Variants in ZNF776 observed in about 807,000 individuals in gnomAD.
ZNF776 encodes zinc finger protein 776.
A neutral mutation model predicts 7.0 loss-of-function variants in ZNF776; 4 were observed. The observed-to-expected ratio is 0.57, with a 90% CI of 0.28 to 1.31. ZNF776 has a LOEUF of 1.31. Ranked by LOEUF, ZNF776 falls within the 50% of genes most tolerant of loss-of-function variation. The probability of loss-of-function intolerance (pLI) is 0.10; values close to 1 mark genes in which losing one functional copy is unlikely to be tolerated. For synonymous variants in ZNF776, 212 were observed against 213.7 expected, an observed-to-expected ratio of 0.99 and a Z score of 0.07; for missense variants, 555 against 625.9, an observed-to-expected ratio of 0.89 and a Z score of 1.21.
chr19:57,754,251 G>C lies in ZNF776; in HGVS notation c.1121G>C (p.Arg374Thr). ...IQHQRVHTGE[R>T]PFECTACGKL... ...CATCAGCGAGTTCACACTGGAGAAA[G>C]ACCTTTTGAGTGTACGGCATGTGGG... The change falls in exon 3 of 3, where the codon AGA becomes ACA. Residue 374 changes from arginine to threonine, a missense_variant. By Grantham distance (71) the Arg-to-Thr change is moderately conservative. Transcript: ENST00000317178. 6.2e-7 allele frequency: 1 copy of C among 1,614,146 alleles called. No individual in the cohort carries two copies. Among genetic ancestry groups the C allele is most frequent in the East Asian group, 2.2e-5 (1 of 44,884 alleles).
rs1270715901 is a variant in ZNF776 at position 57,757,020 on chromosome 19, G to C, written c.*2333G>C. The C allele has an allele frequency of 3.1e-6, 1 of 326,618 alleles. No homozygotes were observed. Among genetic ancestry groups the C allele is most frequent in the African/African-American group, 2.2e-5 (1 of 45,258 alleles). The allele number at this position is 326,618 out of a possible 1,614,324, so 20.2% of individuals were successfully genotyped here. On this transcript the variant is annotated 3_prime_UTR_variant, in exon 3 of 3. Transcript: ENST00000317178. Reference sequence around the variant, plus strand: ...CCAGGTAATTTAAGAATTTTTTATAGAGATAGGGTTTTGCTATTTTACCCT... The same window carrying C: ...CCAGGTAATTTAAGAATTTTTTATACAGATAGGGTTTTGCTATTTTACCCT...
Position 57,756,244 on chromosome 19 carries a change from G to C in ZNF776, c.*1557G>C, listed in dbSNP as rs1423520153. 1 of 143,724 alleles carries C rather than the reference G, an allele frequency of 7.0e-6. No individual in the cohort carries two copies. The highest frequency in any genetic ancestry group is 1.5e-5 in the Non-Finnish European group (1 of 66,840). 8.9% of individuals were successfully genotyped at this position (143,724 alleles called of 1,614,324 possible). A position where few individuals can be genotyped will look rare whatever the true frequency, so the allele number is the denominator to read the frequency against. On this transcript the variant is annotated 3_prime_UTR_variant, in exon 3 of 3. Coordinates refer to ENST00000317178, the MANE Select transcript of ZNF776 (RefSeq NM_173632.4). ...TGTCTTTCCTAGGAATCTCATGATT[G>C]TCATGATTCTTAAAATGGAATTTTC...
In ZNF776 at chr19:57,754,778, A is replaced by T. The variant is rs1986728559; in HGVS notation, c.*91A>T. ...GCACTTATGAGTATGGAGAATGTGCAAAATCATCTAGCCAAAAGGTTGGCC... is the reference window on the plus strand; with the variant it reads ...GCACTTATGAGTATGGAGAATGTGCTAAATCATCTAGCCAAAAGGTTGGCC... On this transcript the variant is annotated 3_prime_UTR_variant, in exon 3 of 3. Coordinates refer to ENST00000317178, the MANE Select transcript of ZNF776 (RefSeq NM_173632.4). 7.4e-7 allele frequency: 1 copy of T among 1,343,632 alleles called. No homozygotes were observed. The highest frequency in any genetic ancestry group is 1.0e-6 in the Non-Finnish European group (1 of 978,688). The allele number at this position is 1,343,632 out of a possible 1,614,324, so 83.2% of individuals were successfully genotyped here.
Position 57,750,886 on chromosome 19 carries a change from G to A in ZNF776, c.135G>A (p.Glu45=), listed in dbSNP as rs1371363071. ...QRCLYHDVML[E]NLTLISSLGC... is the part of the protein sequence containing the mutation. ...GCCTTTATCATGACGTGATGCTGGA[G>A]AACCTGACACTTATATCTTCTCTAG... is the stretch of plus-strand genomic sequence containing the variant. Residue 45 remains glutamate (E), a synonymous_variant, in exon 2 of 3, where the codon GAG becomes GAA. Coordinates refer to ENST00000317178, the MANE Select transcript of ZNF776 (RefSeq NM_173632.4). The A allele has an allele frequency of 1.2e-6, 2 of 1,611,974 alleles. No homozygotes were observed. Among genetic ancestry groups the A allele is most frequent in the Admixed American group, 1.7e-5 (1 of 59,854 alleles).
chr19:57,750,003 C>A (rs1166538678), intron 1 of ZNF776, among the ~76,000 whole-genome samples: 1 of 152,112 alleles, frequency 6.6e-6, no homozygotes, highest in African/African-American at 2.4e-5. Context: ...AGGTGAAAAT[C>A]TCACCCTTAC....
rs1986827780 is a variant in ZNF776 at position 57,757,989 on chromosome 19, A to G, written c.*3302A>G. ...TTTTTATTTCACATAGCAGGGATGC[A>G]TATTTTGACATTCATCAATCATGAT... On this transcript the variant is annotated 3_prime_UTR_variant, in exon 3 of 3. Coordinates refer to ENST00000317178, the MANE Select transcript of ZNF776 (RefSeq NM_173632.4). 4 of 151,914 alleles carry G rather than the reference A, an allele frequency of 2.6e-5. No homozygotes were observed. Among genetic ancestry groups the G allele is most frequent in the Admixed American group, 2.6e-4 (4 of 15,240 alleles). The allele number at this position is 151,914 out of a possible 1,614,324, so 9.4% of individuals were successfully genotyped here. A position where few individuals can be genotyped will look rare whatever the true frequency, so the allele number is the denominator to read the frequency against.
At chr19:57,751,029 A>G (rs1460175805) in intron 2 of ZNF776, 118 bp downstream of exon 2, 2 of 1,252,680 alleles carry the variant, frequency 1.6e-6, no homozygotes, top group Non-Finnish European at 2.1e-6. Flanking sequence ...TTCCTCTGTT[A>G]GTTCCCTGGG....
rs1230154478 is a variant in ZNF776, at chr19:57,757,887, C to T, written c.*3200C>T. On this transcript the variant is annotated 3_prime_UTR_variant, in exon 3 of 3. Transcript: ENST00000317178. ...CTGGAATTTTATATGACTGATATAACATGTTTCCTCTTTTCATACCTGAGT... is the reference window on the plus strand; with the variant it reads ...CTGGAATTTTATATGACTGATATAATATGTTTCCTCTTTTCATACCTGAGT... The T allele has an allele frequency of 2.0e-5, 3 of 152,168 alleles. No homozygotes were observed. The highest frequency in any genetic ancestry group is 4.4e-5 in the Non-Finnish European group (3 of 68,034). The allele number at this position is 152,168 out of a possible 1,614,324, so 9.4% of individuals were successfully genotyped here. A position where few individuals can be genotyped will look rare whatever the true frequency, so the allele number is the denominator to read the frequency against.
At chr19:57,750,097 G>A (rs1986554998) in intron 1 of ZNF776, among the ~76,000 whole-genome samples, 1 of 151,952 alleles carries the variant, frequency 6.6e-6, no homozygotes, top group South Asian at 2.1e-4. Flanking sequence ...AGTGGGGGTG[G>A]CCATGGGCAT....
chr19:57,748,960 C>T (rs905711248), intron 1 of ZNF776, among the ~76,000 whole-genome samples: 66 of 151,606 alleles, frequency 4.4e-4, no homozygotes, highest in Non-Finnish European at 8.4e-4. Flanking sequence ...GGATTAAAAA[C>T]AGGACTTTTT....
At position 57,750,635 on chromosome 19, in the gene ZNF776, A is replaced by T. The variant is rs140580226; in HGVS notation, c.34-150A>T. The T allele has an allele frequency of 3.5e-4, 361 of 1,034,686 alleles. 2 individuals are homozygous for T. In the African/African-American group the frequency reaches 3.5e-3, roughly 10 times the overall value. The allele number at this position is 1,034,686 out of a possible 1,614,324, so 64.1% of individuals were successfully genotyped here. ...CACTTCTTGTGGCTGATGGCTGTAC[A>T]CCATGACCAGTGAGCCCATGAGAAG... On this transcript the variant is annotated intron_variant, in intron 1 of 2. Coordinates refer to ENST00000317178, the MANE Select transcript of ZNF776 (RefSeq NM_173632.4).
rs530506271 is a variant in ZNF776, at chr19:57,755,968, C to A, written c.*1281C>A. The A allele has an allele frequency of 6.6e-6, 1 of 152,180 alleles. No homozygotes were observed. The highest frequency in any genetic ancestry group is 2.1e-4 in the South Asian group (1 of 4,828). 9.4% of individuals were successfully genotyped at this position (152,180 alleles called of 1,614,324 possible). On this transcript the variant is annotated 3_prime_UTR_variant, in exon 3 of 3. Transcript: ENST00000317178. Reference sequence around the variant, plus strand: ...CAGTTCTGGCCTAGAGCAGAAGTGTCCAATCTTTTGGCTTTCCTGGTCCAC... The same window carrying A: ...CAGTTCTGGCCTAGAGCAGAAGTGTACAATCTTTTGGCTTTCCTGGTCCAC...
rs563977196 is a variant in ZNF776 at position 57,754,573 on chromosome 19, T to C, written c.1443T>C (p.Ile481=). ...QKGSLIRHQQ[I]HSGERPHECG... Reference sequence around the variant, plus strand: ...GCAGTCTCATTCGACATCAGCAGATTCACTCTGGAGAAAGGCCACATGAGT... The same window carrying C: ...GCAGTCTCATTCGACATCAGCAGATCCACTCTGGAGAAAGGCCACATGAGT... The change falls in exon 3 of 3, where the codon ATT becomes ATC. Residue 481 remains isoleucine, a synonymous_variant. Transcript: ENST00000317178. 1 of 1,613,692 alleles carries C rather than the reference T, an allele frequency of 6.2e-7. No individual in the cohort carries two copies. Among genetic ancestry groups the C allele is most frequent in the Non-Finnish European group, 8.5e-7 (1 of 1,179,910 alleles).
At chr19:57,751,053 G>C in intron 2 of ZNF776, 142 bp downstream of exon 2, 4 of 997,708 alleles carry the variant, frequency 4.0e-6, no homozygotes, top group Non-Finnish European at 5.6e-6. Context: ...GTTCTATGTG[G>C]TATGTAGGAC....
At position 57,753,822 on chromosome 19, in the gene ZNF776, C is replaced by T. The variant is rs980479718; in HGVS notation, c.692C>T (p.Pro231Leu). Residue 231 changes from proline (P) to leucine (L), a missense_variant, in exon 3 of 3, where the codon CCT becomes CTT. Transcript: ENST00000317178. ...HSLVLHQRLL[P>L]REGPYVCSDS... Reference sequence around the variant, plus strand: ...CTTGTCCTTCACCAGAGACTTCTCCCTAGAGAAGGACCTTATGTATGCAGT... The same window carrying T: ...CTTGTCCTTCACCAGAGACTTCTCCTTAGAGAAGGACCTTATGTATGCAGT... The T allele has an allele frequency of 6.2e-7, 1 of 1,614,178 alleles. No individual in the cohort carries two copies. The highest frequency in any genetic ancestry group is 8.5e-7 in the Non-Finnish European group (1 of 1,180,016).
chr19:57,746,873 G>T lies in ZNF776; in HGVS notation c.-186G>T, dbSNP rs375488945. The T allele has an allele frequency of 5.5e-5, 29 of 528,818 alleles. No individual in the cohort carries two copies. The highest frequency in any genetic ancestry group is 4.8e-4 in the African/African-American group (25 of 52,576). The allele number at this position is 528,818 out of a possible 1,614,324, so 32.8% of individuals were successfully genotyped here. The stretch of plus-strand genomic sequence containing the variant: ...CCAGTGAGAGACCGCGGAGTGTTGG[G>T]TCGTGTAGAAGTGACTGAACCCAGA... On this transcript the variant is annotated 5_prime_UTR_variant, in exon 1 of 3. Coordinates refer to ENST00000317178, the MANE Select transcript of ZNF776 (RefSeq NM_173632.4).
intron 2 of ZNF776, among the ~76,000 whole-genome samples, chr19:57,752,165 C>T (rs527624273): frequency 6.6e-5 from 10 of 152,110 alleles, no homozygotes; most frequent in South Asian, 6.2e-4. Flanking sequence ...CCACCGTGCC[C>T]GGCCTCATTT....
In ZNF776 at chr19:57,754,719, C is replaced by G. The variant is rs1986726604; in HGVS notation, c.*32C>G. ...GGCAGATCTGTTGGTAAAAAGAGCA[C>G]CCTCATTCAACATTCGTGAGATCAC... is the stretch of plus-strand genomic sequence containing the variant. On this transcript the variant is annotated 3_prime_UTR_variant, in exon 3 of 3. Transcript: ENST00000317178. 2 of 1,587,024 alleles carry G rather than the reference C, an allele frequency of 1.3e-6. No individual in the cohort carries two copies. The highest frequency in any genetic ancestry group is 8.6e-7 in the Non-Finnish European group (1 of 1,163,610).
In ZNF776 at chr19:57,753,655, C is replaced by T. The variant is rs1986676301; in HGVS notation, c.525C>T (p.Ser175=). The change falls in exon 3 of 3, where the codon TCC becomes TCT. Residue 175 remains serine (S), a synonymous_variant. Coordinates refer to ENST00000317178, the MANE Select transcript of ZNF776 (RefSeq NM_173632.4). ...ATGAGGTTGGGAAAGACTTTTTGTC[C>T]AGCTTGAGATTACTCCAACAAGAGG... is the stretch of plus-strand genomic sequence containing the variant. ...IFHEVGKDFL[S]SLRLLQQEDI... 2 of 1,613,976 alleles carry T rather than the reference C, an allele frequency of 1.2e-6. No individual in the cohort carries two copies. The highest frequency in any genetic ancestry group is 1.7e-6 in the Non-Finnish European group (2 of 1,179,978).
Sources: allele counts gnomAD v4.1 joint callset (sites outside exome capture counted in the v4.1 genomes callset), GRCh38; gene constraint gnomAD v4.1.1; transcripts MANE v1.5; gene names NCBI Gene and HGNC (gene_info 2026-07-23, HGNC 2026-07-21).